Variants in PPP2R3A observed in about 807,000 individuals in gnomAD.
PPP2R3A encodes serine/threonine-protein phosphatase 2A regulatory subunit B'' subunit alpha.
Under a neutral mutation model 106.9 loss-of-function variants are expected in PPP2R3A, and 80 were observed. The observed-to-expected ratio is 0.75, with a 90% CI of 0.62 to 0.90. The LOEUF (loss-of-function observed/expected upper bound fraction) is 0.90. Among genes scored for constraint, PPP2R3A ranks in the 40% least tolerant of loss-of-function variants. The pLI, the probability that PPP2R3A is intolerant of heterozygous loss-of-function variation, is 0.00. For missense variants in PPP2R3A, 1,386 were observed against 1,350.4 expected (o/e 1.03, Z -0.41); for synonymous variants, 483 against 468.3 (o/e 1.03, Z -0.41).
At chr3:135,980,325 A>G (rs748493772) in intron 1 of PPP2R3A, among the ~76,000 whole-genome samples, 4 of 151,778 alleles carry the variant, frequency 2.6e-5, no homozygotes, top group Non-Finnish European at 4.4e-5. Flanking sequence ...AGAAGTGGGT[A>G]TAAGTCAAGA....
At chr3:136,051,249 A>G (rs536752695) in intron 5 of PPP2R3A, among the ~76,000 whole-genome samples, 39 of 152,242 alleles carry the variant, frequency 2.6e-4, no homozygotes, top group Admixed American at 8.5e-4. Flanking sequence ...AGCTCTTAGT[A>G]TGGATACCTA....
intron 13 of PPP2R3A, among the ~76,000 whole-genome samples, chr3:136,122,464 T>G (rs953888452): frequency 1.3e-5 from 2 of 152,180 alleles, no homozygotes; most frequent in Admixed American, 6.5e-5. Flanking sequence ...ATATGAAAGT[T>G]TACCCTCCTG....
intron 2 of PPP2R3A, among the ~76,000 whole-genome samples, chr3:136,008,964 A>C (rs1933946550): frequency 6.6e-6 from 1 of 151,298 alleles, no homozygotes; most frequent in Non-Finnish European, 1.5e-5. Context: ...AATCCAGATC[A>C]CCCCCCATCC....
rs753624188 is a variant in PPP2R3A, at chr3:136,103,337, C to T, written c.3183C>T (p.Tyr1061=). The stretch of plus-strand genomic sequence containing the variant: ...ACACTTTCTTTAATCTGGAGAAATA[C>T]TTAGACCATGAACAGAGAGATCCCT... The part of the protein sequence containing the change: ...FYDTFFNLEK[Y]LDHEQRDPFA... The change falls in exon 12 of 14, where the codon TAC becomes TAT. Residue 1061 remains tyrosine (Y), a synonymous_variant. Transcript: ENST00000264977. The T allele has an allele frequency of 1.2e-6, 2 of 1,608,878 alleles. No individual in the cohort carries two copies. Among genetic ancestry groups the T allele is most frequent in the East Asian group, 4.5e-5 (2 of 44,800 alleles).
rs1465026369 is a variant in PPP2R3A, at chr3:136,003,248, G to C, written c.1750G>C (p.Glu584Gln). 1.2e-6 allele frequency: 2 copies of C among 1,613,798 alleles called. No individual in the cohort carries two copies. Among genetic ancestry groups the C allele is most frequent in the Admixed American group, 1.7e-5 (1 of 59,988 alleles). The change falls in exon 2 of 14, where the codon GAG (glutamate) becomes CAG (glutamine). Residue 584 changes from glutamate to glutamine, a missense_variant. Transcript: ENST00000264977. ...RIIETNGHKI[E>Q]EEDRALLLRI... is the part of the protein sequence containing the mutation. ...TATTGAAACCAATGGACACAAAATA[G>C]AGGAAGAGGATCGAGCCCTCTTACT... is the stretch of plus-strand genomic sequence containing the variant.
rs147006675 is a variant in PPP2R3A at position 136,078,364 on chromosome 3, C to T, written c.2545-3C>T. Reference sequence around the variant, plus strand: ...TTTGGTTTTATTTTCCTTTTGGAACCAGGTTATTCAGAGAATATTCTACAC... The same window carrying T: ...TTTGGTTTTATTTTCCTTTTGGAACTAGGTTATTCAGAGAATATTCTACAC... On this transcript the variant is annotated splice_polypyrimidine_tract_variant and splice_region_variant and intron_variant, in intron 6 of 13. Coordinates refer to ENST00000264977, the MANE Select transcript of PPP2R3A (RefSeq NM_002718.5). The T allele has an allele frequency of 0.012, 18,562 of 1,580,162 alleles. 132 individuals are homozygous for T. The highest frequency in any genetic ancestry group is 0.014 in the Non-Finnish European group (16,662 of 1,155,230).
intron 6 of PPP2R3A, among the ~76,000 whole-genome samples, chr3:136,073,385 A>G (rs1372380470): frequency 6.6e-6 from 1 of 152,220 alleles, no homozygotes; most frequent in Non-Finnish European, 1.5e-5. Context: ...AATGAACTAC[A>G]CTGGCGAATT....
intron 4 of PPP2R3A, among the ~76,000 whole-genome samples, chr3:136,041,275 T>TTTTTTTTTTTTTTG (rs1935276570): frequency 8.1e-6 from 1 of 123,786 alleles, no homozygotes; most frequent in Non-Finnish European, 1.8e-5. Flanking sequence ...TTTTTTTTTT[T>TTTTTTTTTTTTTTG]GAGACAGAAT....
chr3:136,071,128 A>G (rs990364280), intron 6 of PPP2R3A, among the ~76,000 whole-genome samples: 1 of 152,208 alleles, frequency 6.6e-6, no homozygotes, highest in African/African-American at 2.4e-5. Flanking sequence ...TAGCCATTTC[A>G]TGCACTCTGC....
At chr3:136,092,715 C>T (rs1472954504) in intron 10 of PPP2R3A, among the ~76,000 whole-genome samples, 1 of 152,040 alleles carries the variant, frequency 6.6e-6, no homozygotes, top group Non-Finnish European at 1.5e-5. Flanking sequence ...GAAATATATC[C>T]TCACATTTAG....
At chr3:136,047,759 G>A (rs1221828695) in intron 4 of PPP2R3A, among the ~76,000 whole-genome samples, 1 of 152,142 alleles carries the variant, frequency 6.6e-6, no homozygotes, top group Non-Finnish European at 1.5e-5. Flanking sequence ...AAAAAATTTA[G>A]GCAGGTGTGG....
At chr3:135,972,115 G>A (rs1010742359) in intron 1 of PPP2R3A, among the ~76,000 whole-genome samples, 1 of 152,160 alleles carries the variant, frequency 6.6e-6, no homozygotes, top group East Asian at 1.9e-4. Context: ...TACCCATTAA[G>A]CAGTCACTCG....
intron 9 of PPP2R3A, among the ~76,000 whole-genome samples, chr3:136,089,797 C>A (rs921335823): frequency 1.3e-4 from 20 of 151,920 alleles, no homozygotes; most frequent in African/African-American, 4.4e-4. Flanking sequence ...GTGTTGTAGT[C>A]CTCCCTGTAG....
At chr3:136,041,654 A>T (rs1012605372) in intron 4 of PPP2R3A, among the ~76,000 whole-genome samples, 3 of 117,358 alleles carry the variant, frequency 2.6e-5, no homozygotes, top group African/African-American at 4.3e-5. Context: ...TCACATGGGA[A>T]ATACATTTTC....
chr3:136,105,959 CAAAAAGAAAA>C lies in PPP2R3A; in HGVS notation c.3223-244_3223-235del, dbSNP rs112504170. Among the ~76,000 whole-genome samples, 15 of 147,580 alleles carry C rather than the reference CAAAAAGAAAA, an allele frequency of 1.0e-4. 1 individual carries two copies. Among genetic ancestry groups the C allele is most frequent in the East Asian group, 2.0e-4 (1 of 5,066 alleles). On this transcript the variant is annotated intron_variant, in intron 12 of 13. Coordinates refer to ENST00000264977, the MANE Select transcript of PPP2R3A (RefSeq NM_002718.5). ...TGGGTGACAGAGTGAGATTCTATCT[CAAAAAGAAAA>C]AAAAAGAAAAAAGAAAAAAATGGAA...
intron 1 of PPP2R3A, among the ~76,000 whole-genome samples, chr3:135,968,681 T>C (rs1352477615): frequency 1.3e-5 from 2 of 152,190 alleles, no homozygotes; most frequent in Non-Finnish European, 1.5e-5. Context: ...TGGTGGGTTC[T>C]GCTCCCTCCC....
chr3:136,132,120 A>G (rs1938451430), intron 13 of PPP2R3A, among the ~76,000 whole-genome samples: 3 of 152,094 alleles, frequency 2.0e-5, no homozygotes, highest in Non-Finnish European at 4.4e-5. Context: ...CTATGTATCA[A>G]ATCTGCACGT....
At chr3:135,977,584 A>T (rs1402679927) in intron 1 of PPP2R3A, among the ~76,000 whole-genome samples, 1 of 152,142 alleles carries the variant, frequency 6.6e-6, no homozygotes, top group Non-Finnish European at 1.5e-5. Flanking sequence ...TGTGTGCAAC[A>T]CGTGTCAAAA....
At chr3:135,967,599 T>G (rs765951690) in intron 1 of PPP2R3A, among the ~76,000 whole-genome samples, 2 of 152,182 alleles carry the variant, frequency 1.3e-5, no homozygotes, top group Non-Finnish European at 2.9e-5. Context: ...ATAACTTTGC[T>G]TTTAAACTCT....
Sources: gnomAD v4.1 joint callset for allele counts (sites outside exome capture counted in the v4.1 genomes callset) on GRCh38, gnomAD v4.1.1 for gene constraint, MANE v1.5 for transcripts, NCBI Gene and HGNC (gene_info 2026-07-23, HGNC 2026-07-21) for gene names.